NFU1: variants seen among roughly 807,000 people sequenced by gnomAD.
NFU1 encodes NFU1 iron-sulfur cluster scaffold homolog, mitochondrial.
NFU1 carries 30 observed loss-of-function variants against 32.2 expected under a neutral mutation model. The ratio of observed to expected loss-of-function variants is 0.93; its 90% CI spans 0.70 to 1.26. The LOEUF (loss-of-function observed/expected upper bound fraction) is 1.26, where lower values mean the gene tolerates loss of function less well. NFU1 is among the 50% of genes most tolerant of loss of function. The probability of loss-of-function intolerance (pLI) is 0.00; values close to 1 mark genes in which losing one functional copy is unlikely to be tolerated. For missense variants in NFU1, 306 were observed against 306.6 expected (o/e 1.00, Z 0.02); for synonymous variants, 112 against 104.6 (o/e 1.07, Z -0.43).
chr2:69,400,973 A>C (rs563213634), intron 6 of NFU1, among the ~76,000 whole-genome samples: 1 of 152,272 alleles, frequency 6.6e-6, no homozygotes, highest in East Asian at 1.9e-4. Flanking sequence ...TTTAAATAAA[A>C]CAATATTTTA....
At chr2:69,437,551 A>G (rs983689930), upstream of NFU1, 20 of 1,165,900 alleles carry the variant, frequency 1.7e-5, no homozygotes, top group South Asian at 2.6e-5. Flanking sequence ...CCTGCTGCGG[A>G]TAAGTGCGGT....
rs116522270 is a variant in NFU1, at chr2:69,406,140, C to T, written c.485-58G>A. The T allele has an allele frequency of 7.7e-3, 7,562 of 983,902 alleles. 88 individuals carry two copies. Among genetic ancestry groups the T allele is most frequent in the Non-Finnish European group, 8.5e-3 (5,197 of 614,192 alleles). 60.9% of individuals were successfully genotyped at this position (983,902 alleles called of 1,614,324 possible). ...TAGAAATTTTATAGCCATGCAAGTA[C>T]GAGTATTAAAACAGAATGATTTTAA... On this transcript the variant is annotated intron_variant, in intron 5 of 7. Coordinates refer to ENST00000410022, the MANE Select transcript of NFU1 (RefSeq NM_001002755.4).
chr2:69,430,069 TAAC>T (rs1227992834), intron 2 of NFU1: 1 of 259,088 alleles, frequency 3.9e-6, no homozygotes, highest in Admixed American at 5.3e-5. Context: ...AATAGGTACT[TAAC>T]AAAATCATTA....
chr2:69,423,619 G>GA lies in NFU1; in HGVS notation c.264dup (p.Pro89SerfsTer13), dbSNP rs745720855. Reference sequence around the variant, plus strand: ...GAGCGAAATGCTGCAGCTGGGGTGGGAAAATCCATGGTCCTTGTCTCAAGA... The same window carrying GA: ...GAGCGAAATGCTGCAGCTGGGGTGGGAAAAATCCATGGTCCTTGTCTCAAGA... On this transcript the variant is annotated frameshift_variant, in exon 3 of 8. Transcript: ENST00000410022. LOFTEE classifies it high-confidence loss of function. 12 of 1,613,718 alleles carry GA rather than the reference G, an allele frequency of 7.4e-6. No homozygotes were observed. The South Asian group carries it at 1.3e-4, about 18-fold the overall frequency.
chr2:69,434,255 C>A (rs569820361), intron 1 of NFU1, among the ~76,000 whole-genome samples: 1 of 151,750 alleles, frequency 6.6e-6, no homozygotes, highest in Non-Finnish European at 1.5e-5. Context: ...AGCAATTCTC[C>A]GCCTCAGCCT....
intron 6 of NFU1, among the ~76,000 whole-genome samples, chr2:69,402,515 G>C (rs561957513): frequency 3.3e-5 from 5 of 152,284 alleles, no homozygotes; most frequent in East Asian, 1.9e-4. Flanking sequence ...CTGATGAAGA[G>C]ACAGTCACAA....
chr2:69,412,066 C>CG (rs1280501848), intron 5 of NFU1, among the ~76,000 whole-genome samples: 1 of 151,938 alleles, frequency 6.6e-6, no homozygotes, highest in Non-Finnish European at 1.5e-5. Flanking sequence ...AATTTTTTGG[C>CG]GGGGGGACGG....
At chr2:69,424,217 A>ATCTCTCTC (rs1381979003) in intron 2 of NFU1, among the ~76,000 whole-genome samples, 100 of 130,562 alleles carry the variant, frequency 7.7e-4, no homozygotes, top group African/African-American at 3.1e-3. Flanking sequence ...ATATATATAT[A>ATCTCTCTC]TATCTCAATA....
At chr2:69,434,530 C>T (rs1041036192) in intron 1 of NFU1, among the ~76,000 whole-genome samples, 1 of 152,110 alleles carries the variant, frequency 6.6e-6, no homozygotes, top group Non-Finnish European at 1.5e-5. Flanking sequence ...AAAATGAAAG[C>T]AAATATTACT....
At chr2:69,429,388 T>G (rs1012447228) in intron 2 of NFU1, among the ~76,000 whole-genome samples, 2 of 151,858 alleles carry the variant, frequency 1.3e-5, no homozygotes, top group African/African-American at 4.8e-5. Flanking sequence ...ACAGAGATCC[T>G]GTCTCTACAA....
At chr2:69,429,939 G>A in intron 2 of NFU1, 1 of 285,812 alleles carries the variant, frequency 3.5e-6, no homozygotes. Flanking sequence ...TGAGGTGGGA[G>A]GATGGCTGGA....
intron 4 of NFU1, among the ~76,000 whole-genome samples, chr2:69,418,506 G>A (rs779786694): frequency 4.0e-5 from 6 of 151,762 alleles, no homozygotes; most frequent in African/African-American, 7.3e-5. Flanking sequence ...TCGCTCTGTC[G>A]CCCAGGCTGG....
At chr2:69,399,316 G>A (rs1270829406) in intron 7 of NFU1, 1 of 450,502 alleles carries the variant, frequency 2.2e-6, no homozygotes, top group Non-Finnish European at 4.5e-6. Context: ...ATAAGGCCAT[G>A]CTTTTTGGTT....
intron 1 of NFU1, among the ~76,000 whole-genome samples, chr2:69,433,150 CAAA>C (rs762607918): frequency 3.1e-5 from 3 of 98,352 alleles, no homozygotes; most frequent in Middle Eastern, 5.5e-3. Flanking sequence ...ACTCCATCTC[CAAA>C]AAAAAAAAAA....
rs200625172 is a variant in NFU1 at position 69,408,887 on chromosome 2, CAG to C, written c.485-2807_485-2806del. On this transcript the variant is annotated intron_variant, in intron 5 of 7. Coordinates refer to ENST00000410022, the MANE Select transcript of NFU1 (RefSeq NM_001002755.4). Reference sequence around the variant, plus strand: ...TTTTTTTTTTTTTTTTTTTTTTTGACAGAGTTTCACTCTTTTACCTCAGCTCA... The same window carrying C: ...TTTTTTTTTTTTTTTTTTTTTTTGACAGTTTCACTCTTTTACCTCAGCTCA... Among the ~76,000 whole-genome samples, 1,014 of 61,970 alleles carry C rather than the reference CAG, an allele frequency of 0.016. 70 individuals carry two copies. In the East Asian group the frequency reaches 0.19, roughly 11 times the overall value. The allele number at this position is 61,970 out of a possible 152,430, so 40.7% of individuals were successfully genotyped here.
intron 6 of NFU1, among the ~76,000 whole-genome samples, chr2:69,405,346 C>T (rs150304570): frequency 6.6e-6 from 1 of 152,298 alleles, no homozygotes; most frequent in East Asian, 1.9e-4. Flanking sequence ...TAATTTTTGT[C>T]TTCCCATCTA....
chr2:69,438,408 G>A (rs551683332), upstream of NFU1, among the ~76,000 whole-genome samples: 26 of 152,082 alleles, frequency 1.7e-4, no homozygotes, highest in African/African-American at 5.3e-4. Context: ...TGTGAGCCAC[G>A]GTGCCTGGCT....
chr2:69,427,550 T>G (rs1202051272), intron 2 of NFU1, among the ~76,000 whole-genome samples: 1 of 139,348 alleles, frequency 7.2e-6, no homozygotes, highest in Non-Finnish European at 1.6e-5. Flanking sequence ...CGTGGTAGTG[T>G]GCGTCCGTAG....
upstream of NFU1, chr2:69,437,577 G>T (rs1290686518): frequency 1.1e-6 from 1 of 893,020 alleles, no homozygotes; most frequent in Non-Finnish European, 1.8e-6. Context: ...ACGCGCCGAG[G>T]TTTGCAGGCT....
Sources: gnomAD v4.1 joint callset for allele counts (sites outside exome capture counted in the v4.1 genomes callset) on GRCh38, gnomAD v4.1.1 for gene constraint, MANE v1.5 for transcripts, NCBI Gene and HGNC (gene_info 2026-07-23, HGNC 2026-07-21) for gene names.